Variants in USP30 observed in about 807,000 individuals in gnomAD.
The protein encoded by USP30 is ubiquitin specific peptidase 30.
USP30 carries 41 observed loss-of-function variants against 68.2 expected under a neutral mutation model. The observed-to-expected ratio is 0.60, with a 90% confidence interval of 0.47 to 0.78. The LOEUF (loss-of-function observed/expected upper bound fraction) is 0.78. Ranked by LOEUF, USP30 falls within the 30% of genes least tolerant of loss-of-function variation. USP30 has a pLI of 0.00. For missense variants in USP30, 522 were observed against 649.4 expected, an observed-to-expected ratio of 0.80 and a Z score of 2.13; for synonymous variants, 229 against 253.7, an observed-to-expected ratio of 0.90 and a Z score of 0.93.
chr12:109,064,821 A>G (rs549967431), intron 3 of USP30, among the ~76,000 whole-genome samples: 1 of 151,964 alleles, frequency 6.6e-6, no homozygotes, highest in South Asian at 2.1e-4. Flanking sequence ...ATAGTATTTT[A>G]GACAAAGTTG....
rs138932775 is a variant in USP30, at chr12:109,029,860, G to A, written c.-136+2304G>A. ...GGCCGGTTCCTAGAAGGTAGGGTGAGAGGGGCAACCTTTGATTAACATTAA... is the reference window on the plus strand; with the variant it reads ...GGCCGGTTCCTAGAAGGTAGGGTGAAAGGGGCAACCTTTGATTAACATTAA... On this transcript the variant is annotated intron_variant, in intron 3 of 15. Coordinates refer to the USP30 transcript ENST00000392784. 7.9e-4 allele frequency among the ~76,000 whole-genome samples: 121 copies of A among 152,220 alleles called. 1 individual carries two copies. The highest frequency in any genetic ancestry group is 1.0e-3 in the Non-Finnish European group (71 of 67,994).
At chr12:109,055,401 T>TATATATATATATATATATA (rs61062424) in intron 1 of USP30, among the ~76,000 whole-genome samples, 2 of 29,642 alleles carry the variant, frequency 6.7e-5, no homozygotes, top group African/African-American at 2.4e-4. Context: ...TATATATATA[T>TATATATATATATATATATA]TTTTTTTTTT....
chr12:109,062,673 T>C (rs1465783715), intron 3 of USP30, among the ~76,000 whole-genome samples: 2 of 152,176 alleles, frequency 1.3e-5, no homozygotes, highest in South Asian at 2.1e-4. Flanking sequence ...TTGTCTTCTG[T>C]GAATTGCTAG....
chr12:109,027,804 C>T (rs1165563659), intron 3 of USP30, among the ~76,000 whole-genome samples: 2 of 152,148 alleles, frequency 1.3e-5, no homozygotes, highest in African/African-American at 2.4e-5. Context: ...TTGATGGACA[C>T]GTGGGTTGTT....
intron 2 of USP30, among the ~76,000 whole-genome samples, 170 bp from the exon 3 acceptor site, chr12:109,057,756 C>G (rs971728156): frequency 1.3e-5 from 2 of 152,208 alleles, no homozygotes; most frequent in South Asian, 4.1e-4. Flanking sequence ...GTACTAGAAC[C>G]AAGCCTTGGC....
chr12:109,059,309 C>T (rs762624099), intron 3 of USP30, among the ~76,000 whole-genome samples: 1 of 151,462 alleles, frequency 6.6e-6, no homozygotes, highest in Non-Finnish European at 1.5e-5. Context: ...ATTCTTGTGC[C>T]TCAGCCTCCT....
intron 3 of USP30, among the ~76,000 whole-genome samples, chr12:109,062,449 C>T (rs955459545): frequency 6.6e-6 from 1 of 151,652 alleles, no homozygotes; most frequent in East Asian, 1.9e-4. Context: ...AGTCTCCTGC[C>T]TCAGCCCCCC....
chr12:109,056,675 T>G lies in USP30; in HGVS notation c.84-7T>G, dbSNP rs769419189. On this transcript the variant is annotated splice_region_variant and splice_polypyrimidine_tract_variant and intron_variant, in intron 1 of 12. Coordinates refer to ENST00000257548, the MANE Select transcript of USP30 (RefSeq NM_032663.5). Reference sequence around the variant, plus strand: ...AGGGAAGACAGTAAACTTGTTTTCTTTTTTAGATATAAAGTCATGAAGAAC... The same window carrying G: ...AGGGAAGACAGTAAACTTGTTTTCTGTTTTAGATATAAAGTCATGAAGAAC... 1.9e-6 allele frequency: 3 copies of G among 1,599,734 alleles called. No individual in the cohort carries two copies. The highest frequency in any genetic ancestry group is 2.3e-5 in the South Asian group (2 of 88,772).
upstream of USP30, among the ~76,000 whole-genome samples, chr12:109,050,774 C>G (rs571186021): frequency 6.6e-6 from 1 of 151,746 alleles, no homozygotes; most frequent in African/African-American, 2.4e-5. Flanking sequence ...TTTGGGAGCC[C>G]GAGGCGGATG....
chr12:109,064,891 A>G (rs2041199229), intron 3 of USP30, among the ~76,000 whole-genome samples: 1 of 152,140 alleles, frequency 6.6e-6, no homozygotes, highest in Non-Finnish European at 1.5e-5. Flanking sequence ...AGCTAACAGA[A>G]GGGCTGCCCG....
At chr12:109,063,563 CAGAAGT>C (rs1566091341) in intron 3 of USP30, among the ~76,000 whole-genome samples, 2 of 152,310 alleles carry the variant, frequency 1.3e-5, no homozygotes, top group African/African-American at 4.8e-5. Flanking sequence ...TGTAAACACT[CAGAAGT>C]AGAATTGCTG....
rs375738354 is a variant in USP30, at chr12:109,043,700, G to C, written c.-135-3890G>C. 5.9e-5 allele frequency among the ~76,000 whole-genome samples: 9 copies of C among 152,268 alleles called. No homozygotes were observed. In the East Asian group the frequency reaches 1.3e-3, roughly 23 times the overall value. ...TCTTGGATATGACACCAAAGACACA[G>C]GCAACAACAACAAAAAATTGGCAAA... On this transcript the variant is annotated intron_variant, in intron 3 of 15. Coordinates refer to the USP30 transcript ENST00000392784.
rs746622123 is a variant in USP30, at chr12:109,072,300, T to C, written c.580-5T>C. ...CAGTCTGTTTTTTTTTTTTCTCCCC[T>C]ACAGCAGCAGTCAGAAATAACTCCC... On this transcript the variant is annotated splice_polypyrimidine_tract_variant and splice_region_variant and intron_variant, in intron 5 of 12. Transcript: ENST00000257548. 2 of 1,605,330 alleles carry C rather than the reference T, an allele frequency of 1.2e-6. No homozygotes were observed. Among genetic ancestry groups the C allele is most frequent in the Non-Finnish European group, 1.7e-6 (2 of 1,172,480 alleles).
chr12:109,044,864 C>T (rs2040590825), intron 3 of USP30, among the ~76,000 whole-genome samples: 1 of 151,978 alleles, frequency 6.6e-6, no homozygotes, highest in Admixed American at 6.6e-5. Context: ...TTCCTGTTTA[C>T]CCATATACCA....
chr12:109,029,768 G>T (rs2040468162), intron 3 of USP30, among the ~76,000 whole-genome samples: 1 of 152,182 alleles, frequency 6.6e-6, no homozygotes, highest in Admixed American at 6.5e-5. Context: ...CTCCTACTCT[G>T]TCAGACAGGG....
intron 3 of USP30, among the ~76,000 whole-genome samples, chr12:109,031,683 G>T (rs972938169): frequency 6.6e-6 from 1 of 152,158 alleles, no homozygotes; most frequent in East Asian, 1.9e-4. Context: ...AATGAATGAC[G>T]TTCCAATAGA....
At chr12:109,037,008 T>C (rs2040525811) in intron 3 of USP30, among the ~76,000 whole-genome samples, 2 of 152,156 alleles carry the variant, frequency 1.3e-5, no homozygotes, top group Non-Finnish European at 2.9e-5. Flanking sequence ...CTTCAGGTAT[T>C]TTTTCTTCCC....
intron 2 of USP30, 26 bp downstream of exon 2, chr12:109,056,817 G>T (rs370330131): frequency 9.4e-5 from 144 of 1,539,772 alleles, no homozygotes; most frequent in Non-Finnish European, 1.2e-4. Flanking sequence ...CTGCATCATG[G>T]TCTGTAGACT....
intron 3 of USP30, among the ~76,000 whole-genome samples, chr12:109,037,055 T>G: frequency 6.6e-6 from 1 of 152,322 alleles, no homozygotes; most frequent in East Asian, 1.9e-4. Context: ...ATTACCATTA[T>G]GCCTAAATTG....
Sources: gnomAD v4.1 joint callset for allele counts (sites outside exome capture counted in the v4.1 genomes callset) on GRCh38, gnomAD v4.1.1 for gene constraint, MANE v1.5 for transcripts, NCBI Gene and HGNC (gene_info 2026-07-23, HGNC 2026-07-21) for gene names.